The following DEPDC5 variants were observed in gnomAD, a reference collection of about 807,000 sequenced individuals.
The protein encoded by DEPDC5 is GATOR1 complex protein DEPDC5.
DEPDC5 carries 73 observed loss-of-function variants against 217.3 expected under a neutral mutation model. The ratio of observed to expected loss-of-function variants is 0.34; its 90% CI spans 0.28 to 0.41. DEPDC5 has a LOEUF of 0.41. Among genes scored for constraint, DEPDC5 ranks in the 10% least tolerant of loss-of-function variants. The pLI is 1.00. For synonymous variants in DEPDC5, 733 were observed against 756.7 expected (o/e 0.97, Z 0.51); for missense variants, 1,675 against 2,070.1 (o/e 0.81, Z 3.70).
chr22:31,834,069 A>T, intron 25 of DEPDC5, 89 bp downstream of exon 25: 1 of 1,326,728 alleles, frequency 7.5e-7, no homozygotes, highest in Non-Finnish European at 1.1e-6. Context: ...CCCTGTGGGA[A>T]GTGAGTGGTC....
At position 31,784,889 on chromosome 22, in the gene DEPDC5, T is replaced by C. The variant is rs759455558; in HGVS notation, c.624+14T>C. The C allele has an allele frequency of 2.5e-6, 4 of 1,607,558 alleles. No homozygotes were observed. Among genetic ancestry groups the C allele is most frequent in the Non-Finnish European group, 3.4e-6 (4 of 1,176,318 alleles). ...ACCAAGTGGAAGGTACATTTCTTCT[T>C]ACACACTAAGTCTCATTATGTAAAC... On this transcript the variant is annotated intron_variant, in intron 10 of 42. Transcript: ENST00000651528.
chr22:31,798,776 A>T, intron 14 of DEPDC5, 120 bp downstream of exon 14: 1 of 885,630 alleles, frequency 1.1e-6, no homozygotes, highest in Non-Finnish European at 1.7e-6. Context: ...GAAAGAATTC[A>T]GGACCAGTCC....
At chr22:31,817,094 ATATT>A (rs201810589) in intron 21 of DEPDC5, 1,614 of 157,344 alleles carry the variant, frequency 0.01, 22 homozygotes, top group African/African-American at 0.029. Flanking sequence ...GTAAAGTGAC[ATATT>A]TCTTTCTTTC....
chr22:31,817,539 A>G, intron 21 of DEPDC5: 2 of 393,562 alleles, frequency 5.1e-6, no homozygotes, highest in Non-Finnish European at 9.9e-6. Flanking sequence ...CCCAGGCTGT[A>G]GTGCAGTGGT....
chr22:31,834,074 G>C, intron 25 of DEPDC5, 94 bp downstream of exon 25: 1 of 1,263,894 alleles, frequency 7.9e-7, no homozygotes, highest in Non-Finnish European at 1.2e-6. Context: ...TGGGAAGTGA[G>C]TGGTCCTGAG....
At position 31,906,313 on chromosome 22, in the gene DEPDC5, G is replaced by A. The variant is rs749089911; in HGVS notation, c.4628G>A (p.Arg1543Gln). 17 of 1,613,844 alleles carry A rather than the reference G, an allele frequency of 1.1e-5. No individual in the cohort carries two copies. The highest frequency in any genetic ancestry group is 8.9e-5 in the East Asian group (4 of 44,900). Residue 1543 changes from arginine (R) to glutamine (Q), a missense_variant, in exon 43 of 43, where the codon CGG becomes CAG. Coordinates refer to ENST00000651528, the MANE Select transcript of DEPDC5 (RefSeq NM_001242896.3). This position sits in a 1 kb window ranked among gnomAD's most constrained non-coding sequence, Gnocchi z 5.1. ...AACCAGAACATGTTCTGCGAGGAGCGGGTCGGCTACAACTGGGCCTACAAC... is the reference window on the plus strand; with the variant it reads ...AACCAGAACATGTTCTGCGAGGAGCAGGTCGGCTACAACTGGGCCTACAAC... ...STNQNMFCEE[R>Q]VGYNWAYNTM...
At chr22:31,806,875 A>T (rs182211977) in intron 18 of DEPDC5, among the ~76,000 whole-genome samples, 77 of 152,292 alleles carry the variant, frequency 5.1e-4, no homozygotes, top group Non-Finnish European at 1.2e-4. Context: ...AGCCAGGTGT[A>T]TTGGCACATA....
At chr22:31,899,631 A>G (rs1453633781) in intron 40 of DEPDC5, among the ~76,000 whole-genome samples, 3 of 152,170 alleles carry the variant, frequency 2.0e-5, no homozygotes, top group Non-Finnish European at 4.4e-5. Flanking sequence ...ACCTCAGGTG[A>G]TCTGCCCGCC....
At position 31,777,910 on chromosome 22, in the gene DEPDC5, G is replaced by C. The variant is rs2084039590; in HGVS notation, c.414-189G>C. The C allele has an allele frequency of 2.1e-5, 12 of 579,454 alleles. No homozygotes were observed. The East Asian group carries it at 3.6e-4, about 18-fold the overall frequency. The allele number at this position is 579,454 out of a possible 1,614,324, so 35.9% of individuals were successfully genotyped here. The stretch of plus-strand genomic sequence containing the variant: ...CTACAGGCATGTGTCACCATGCCCG[G>C]CTAAATTTTGGATTTTTAGTATAGA... On this transcript the variant is annotated intron_variant, in intron 7 of 42. Transcript: ENST00000651528.
intron 13 of DEPDC5, among the ~76,000 whole-genome samples, 196 bp downstream of exon 13, chr22:31,797,899 A>C (rs1322690505): frequency 3.4e-5 from 5 of 149,080 alleles, no homozygotes; most frequent in Non-Finnish European, 5.9e-5. Flanking sequence ...TAATACAGGG[A>C]GTGAGGCCTT....
intron 37 of DEPDC5, among the ~76,000 whole-genome samples, chr22:31,879,059 TATATATATAC>T (rs1400375803): frequency 1.2e-4 from 17 of 136,750 alleles, no homozygotes; most frequent in Middle Eastern, 3.8e-3. Context: ...TATATATATA[TATATATATAC>T]ACACACACAC....
At chr22:31,791,831 G>A (rs2085678980) in intron 10 of DEPDC5, among the ~76,000 whole-genome samples, 1 of 147,644 alleles carries the variant, frequency 6.8e-6, no homozygotes, top group East Asian at 2.0e-4. Context: ...GGAGGCTGAG[G>A]CAGGAGAATT....
At chr22:31,797,211 C>G (rs1486450176) in intron 12 of DEPDC5, among the ~76,000 whole-genome samples, 1 of 152,038 alleles carries the variant, frequency 6.6e-6, no homozygotes, top group Non-Finnish European at 1.5e-5. Flanking sequence ...AGTCCATTTT[C>G]TCACTGCTGT....
chr22:31,832,525 C>G (rs752507195), intron 24 of DEPDC5, among the ~76,000 whole-genome samples: 4 of 149,482 alleles, frequency 2.7e-5, no homozygotes, highest in Non-Finnish European at 5.9e-5. Flanking sequence ...CTTGCTCTTT[C>G]AGAAACCCAG....
rs777008789 is a variant in DEPDC5 at position 31,843,830 on chromosome 22, G to C, written c.2801+18G>C. On this transcript the variant is annotated intron_variant, in intron 29 of 42. Coordinates refer to ENST00000651528, the MANE Select transcript of DEPDC5 (RefSeq NM_001242896.3). ...GACTTCAGGTCAGAGAGTGGGCTTT[G>C]GATTTCCATCTTTGCATCCTTGGGC... 2.0e-5 allele frequency: 32 copies of C among 1,574,802 alleles called. No individual in the cohort carries two copies.
chr22:31,767,690 C>T lies in DEPDC5; in HGVS notation c.363+1022C>T, dbSNP rs146998132. On this transcript the variant is annotated intron_variant, in intron 6 of 42. Transcript: ENST00000651528. ...CAGGTGATCTGCCCACCTTGGCCTC[C>T]CAAAGTGCTAGGATTATAGGTGTGA... Among the ~76,000 whole-genome samples, 823 of 152,190 alleles carry T rather than the reference C, an allele frequency of 5.4e-3. 2 individuals are homozygous for T. The highest frequency in any genetic ancestry group is 9.0e-3 in the Non-Finnish European group (611 of 68,002).
chr22:31,773,996 G>T (rs1290924526), intron 7 of DEPDC5, among the ~76,000 whole-genome samples: 1 of 151,996 alleles, frequency 6.6e-6, no homozygotes, highest in Non-Finnish European at 1.5e-5. Flanking sequence ...GCTTGAACCT[G>T]GGAGGCAGAG....
chr22:31,784,665 C>A, intron 9 of DEPDC5, 149 bp from the exon 10 acceptor site: 2 of 620,572 alleles, frequency 3.2e-6, no homozygotes, highest in Admixed American at 3.2e-5. Flanking sequence ...TCTTTTTGGT[C>A]CCCTTTCTTA....
chr22:31,847,136 T>G (rs1293113407), intron 31 of DEPDC5, among the ~76,000 whole-genome samples, 169 bp downstream of exon 31: 1 of 152,222 alleles, frequency 6.6e-6, no homozygotes, highest in African/African-American at 2.4e-5. Flanking sequence ...TTGGATAACA[T>G]GAAATAGGCC....
Sources: allele counts gnomAD v4.1 joint callset (sites outside exome capture counted in the v4.1 genomes callset), GRCh38; gene constraint gnomAD v4.1.1; non-coding constraint Gnocchi (gnomAD v3.1); transcripts MANE v1.5; gene names NCBI Gene and HGNC (gene_info 2026-07-23, HGNC 2026-07-21).